UNC13B: variants seen among roughly 807,000 people sequenced by gnomAD.
UNC13B encodes the protein protein unc-13 homolog B.
Under a neutral mutation model 211.0 loss-of-function variants are expected in UNC13B, and 144 were observed. The ratio of observed to expected loss-of-function variants is 0.68; its 90% CI spans 0.60 to 0.78. The LOEUF (loss-of-function observed/expected upper bound fraction) is 0.78. Among genes scored for constraint, UNC13B ranks in the 30% least tolerant of loss-of-function variants. The pLI, the probability that UNC13B is intolerant of heterozygous loss-of-function variation, is 0.00. For synonymous variants in UNC13B, 709 were observed against 725.8 expected (o/e 0.98, Z 0.37); for missense variants, 1,777 against 2,002.0 (o/e 0.89, Z 2.14).
chr9:35,261,186 C>T (rs1015054710), intron 7 of UNC13B, among the ~76,000 whole-genome samples: 4 of 152,170 alleles, frequency 2.6e-5, no homozygotes, highest in Non-Finnish European at 5.9e-5. Flanking sequence ...CTCTTTCCCT[C>T]ATCCCCCTCT....
chr9:35,259,150 T>C (rs1827109742), intron 7 of UNC13B, 100 bp downstream of exon 7: 4 of 1,212,710 alleles, frequency 3.3e-6, no homozygotes, highest in Non-Finnish European at 2.4e-6. Flanking sequence ...AGATGTCATG[T>C]GTGTAAGCAG....
chr9:35,268,276 A>C (rs1285636263), intron 7 of UNC13B, among the ~76,000 whole-genome samples: 1 of 152,194 alleles, frequency 6.6e-6, no homozygotes, highest in Non-Finnish European at 1.5e-5. Context: ...TCCCACATTG[A>C]CATAGACATT....
In UNC13B at chr9:35,295,699, T is replaced by C. The variant is rs1829317244; in HGVS notation, c.530T>C (p.Phe177Ser). 6.2e-7 allele frequency: 1 copy of C among 1,614,012 alleles called. No individual in the cohort carries two copies. The highest frequency in any genetic ancestry group is 1.1e-5 in the South Asian group (1 of 91,068). Residue 177 changes from phenylalanine to serine, a missense_variant, in exon 8 of 40, where the codon TTT becomes TCT. By Grantham distance (155) the Phe-to-Ser change is radical (BLOSUM62 -2). Coordinates refer to ENST00000635942, the MANE Select transcript of UNC13B (RefSeq NM_001371189.2). ...ATTGAATGTGCTTATTCCATAGCTT[T>C]TGAAGACCCTGATAGTGCCGTCGAT... Reference protein sequence around the residue: ...PLPTAAAQCSFEDPDSAVDDR... With the variant: ...PLPTAAAQCSSEDPDSAVDDR...
At chr9:35,184,029 C>G (rs1822180150) in intron 1 of UNC13B, among the ~76,000 whole-genome samples, 1 of 148,254 alleles carries the variant, frequency 6.7e-6, no homozygotes, top group South Asian at 2.2e-4. Context: ...TCCTCACTTC[C>G]CGGACGTGGC....
chr9:35,192,958 G>A (rs535823285), intron 1 of UNC13B, among the ~76,000 whole-genome samples: 6 of 152,218 alleles, frequency 3.9e-5, no homozygotes, highest in South Asian at 4.2e-4. Context: ...TTCCCTCTGC[G>A]GTTTCTGGGT....
At chr9:35,199,623 TGGCTG>T (rs1823160537) in intron 1 of UNC13B, among the ~76,000 whole-genome samples, 1 of 152,242 alleles carries the variant, frequency 6.6e-6, no homozygotes, top group African/African-American at 2.4e-5. Context: ...ATGTGTCTGT[TGGCTG>T]CATAAATGTC....
chr9:35,377,797 A>G, intron 16 of UNC13B, 102 bp downstream of exon 16: 2 of 1,211,112 alleles, frequency 1.7e-6, no homozygotes, highest in Non-Finnish European at 2.3e-6. Flanking sequence ...TTAGGGAGAA[A>G]GAAAAAGGAA....
intron 11 of UNC13B, among the ~76,000 whole-genome samples, chr9:35,345,444 T>C (rs1459864623): frequency 6.6e-6 from 1 of 152,070 alleles, no homozygotes; most frequent in Non-Finnish European, 1.5e-5. Context: ...TGGTAAGATA[T>C]CAGGGGTAGG....
chr9:35,396,517 A>G lies in UNC13B; in HGVS notation c.11350A>G (p.Asn3784Asp). The change falls in exon 27 of 40, where the codon AAC (asparagine) becomes GAC (aspartate). Residue 3784 changes from asparagine to aspartate, a missense_variant. Asn to Asp is a conservative substitution (Grantham distance 23). Transcript: ENST00000635942. ...CCTGTGTAAAAGTGCTGACTACATGAACCTGCACTTCAAGGTGAAGTGGCT... is the reference window on the plus strand; with the variant it reads ...CCTGTGTAAAAGTGCTGACTACATGGACCTGCACTTCAAGGTGAAGTGGCT... ...DHLCKSADYM[N>D]LHFKVKWLHN... 6.2e-7 allele frequency: 1 copy of G among 1,614,146 alleles called. No individual in the cohort carries two copies. The highest frequency in any genetic ancestry group is 1.1e-5 in the South Asian group (1 of 91,074).
intron 13 of UNC13B, among the ~76,000 whole-genome samples, chr9:35,371,003 A>G (rs954142084): frequency 3.3e-5 from 5 of 152,316 alleles, no homozygotes; most frequent in African/African-American, 1.2e-4. Context: ...TGAGGCACAA[A>G]CAACCCAAGG....
intron 11 of UNC13B, among the ~76,000 whole-genome samples, chr9:35,334,840 C>A (rs1157216286): frequency 6.6e-6 from 1 of 152,162 alleles, no homozygotes; most frequent in Non-Finnish European, 1.5e-5. Context: ...AGTTCCAGAC[C>A]AGCCTGGCCA....
intron 7 of UNC13B, among the ~76,000 whole-genome samples, chr9:35,272,084 G>C (rs1231202614): frequency 6.6e-6 from 1 of 152,060 alleles, no homozygotes; most frequent in East Asian, 1.9e-4. Flanking sequence ...TTTTAAGATA[G>C]AGGAAATATT....
chr9:35,403,563 A>G lies in UNC13B; in HGVS notation c.12701A>G (p.Asn4234Ser). 3 of 1,597,024 alleles carry G rather than the reference A, an allele frequency of 1.9e-6. No individual in the cohort carries two copies. The highest frequency in any genetic ancestry group is 1.1e-5 in the South Asian group (1 of 90,676). Reference sequence around the variant, plus strand: ...AAGTTCACAACCAAATCCAAAAGCAACAACTGGGCCCCCAAGTACAATGAG... The same window carrying G: ...AAGTTCACAACCAAATCCAAAAGCAGCAACTGGGCCCCCAAGTACAATGAG... ...KRKFTTKSKS[N>S]NWAPKYNETF... is the part of the protein sequence containing the mutation. Residue 4234 changes from asparagine to serine, a missense_variant, in exon 39 of 40, where the codon AAC becomes AGC. Asn to Ser is a conservative substitution (Grantham distance 46). Transcript: ENST00000635942.
intron 2 of UNC13B, among the ~76,000 whole-genome samples, 190 bp downstream of exon 2, chr9:35,228,234 CAAT>C (rs752820110): frequency 3.3e-5 from 5 of 152,058 alleles, no homozygotes; most frequent in Admixed American, 6.6e-5. Context: ...TTCTACTTCT[CAAT>C]AATAACTATA....
At chr9:35,196,677 A>G in intron 1 of UNC13B, among the ~76,000 whole-genome samples, 1 of 152,170 alleles carries the variant, frequency 6.6e-6, no homozygotes, top group Non-Finnish European at 1.5e-5. Context: ...GTTTTTACAT[A>G]TTGTAGTAGT....
intron 32 of UNC13B, 77 bp downstream of exon 32, chr9:35,398,719 T>C: frequency 6.4e-7 from 1 of 1,572,126 alleles, no homozygotes; most frequent in Non-Finnish European, 8.7e-7. Context: ...GCCCCACACC[T>C]CTCCATATAG....
chr9:35,330,928 A>G (rs1301842242), intron 11 of UNC13B, among the ~76,000 whole-genome samples: 3 of 152,222 alleles, frequency 2.0e-5, no homozygotes, highest in Non-Finnish European at 2.9e-5. Context: ...AGAAAAGGGT[A>G]TCAGATACTG....
chr9:35,384,765 C>T (rs1244035350), intron 22 of UNC13B: 9 of 968,770 alleles, frequency 9.3e-6, no homozygotes, highest in East Asian at 1.1e-4. Context: ...TATCAGAGAG[C>T]ATGTCCATTC....
At position 35,243,316 on chromosome 9, in the gene UNC13B, T is replaced by C. The variant is rs755140244; in HGVS notation, c.420T>C (p.Tyr140=). The change falls in exon 6 of 40, where the codon TAT becomes TAC. Residue 140 remains tyrosine, a synonymous_variant. Coordinates refer to ENST00000635942, the MANE Select transcript of UNC13B (RefSeq NM_001371189.2). ...PFDIPEEEAR[Y]WTYKWEQINA... is the part of the protein sequence containing the mutation. ...ATATCCCAGAGGAGGAAGCCAGATA[T>C]TGGACCTACAAATGGGAGCAAATCA... The C allele has an allele frequency of 5.6e-6, 9 of 1,613,412 alleles. No homozygotes were observed. Among genetic ancestry groups the C allele is most frequent in the East Asian group, 2.2e-5 (1 of 44,888 alleles).
Sources: gnomAD v4.1 joint callset for allele counts (sites outside exome capture counted in the v4.1 genomes callset) on GRCh38, gnomAD v4.1.1 for gene constraint, MANE v1.5 for transcripts, NCBI Gene and HGNC (gene_info 2026-07-23, HGNC 2026-07-21) for gene names.